The following PRKCE variants were observed in gnomAD, a reference collection of about 807,000 sequenced individuals.
PRKCE encodes protein kinase C epsilon type.
In PRKCE, 16 loss-of-function variants were observed where a neutral mutation model predicts 85.4. That is an observed-to-expected ratio of 0.19 (90% CI 0.13 to 0.28). PRKCE has a LOEUF of 0.28. Ranked by LOEUF, PRKCE falls within the 10% of genes least tolerant of loss-of-function variation. The pLI, the probability that PRKCE is intolerant of heterozygous loss-of-function variation, is 1.00. For synonymous variants in PRKCE, 388 were observed against 371.5 expected, an observed-to-expected ratio of 1.04 and a Z score of -0.51; for missense variants, 573 against 975.2, an observed-to-expected ratio of 0.59 and a Z score of 5.49.
In PRKCE at chr2:45,858,811, C is replaced by T. The variant is rs189942736; in HGVS notation, c.412+15748C>T. On this transcript the variant is annotated intron_variant, in intron 2 of 14. Transcript: ENST00000306156. ...ATCCCAGCACTTTGGGAGGCCAAGGCGGGCGGATCACTTGAGGTCAGGAGT... is the reference window on the plus strand; with the variant it reads ...ATCCCAGCACTTTGGGAGGCCAAGGTGGGCGGATCACTTGAGGTCAGGAGT... Among the ~76,000 whole-genome samples, 720 of 152,060 alleles carry T rather than the reference C, an allele frequency of 4.7e-3. 9 individuals are homozygous for T. The highest frequency in any genetic ancestry group is 6.9e-3 in the African/African-American group (288 of 41,474).
intron 1 of PRKCE, among the ~76,000 whole-genome samples, chr2:45,679,390 T>G (rs1676715470): frequency 6.6e-6 from 1 of 152,206 alleles, no homozygotes; most frequent in South Asian, 2.1e-4. Flanking sequence ...ATTCACAAAT[T>G]TTTATAGCAT....
intron 2 of PRKCE, among the ~76,000 whole-genome samples, chr2:45,899,422 C>A (rs760414591): frequency 4.6e-5 from 7 of 151,270 alleles, no homozygotes; most frequent in Non-Finnish European, 1.0e-4. Flanking sequence ...ACTCTGTTGC[C>A]CAGGCTAGAG....
intron 1 of PRKCE, among the ~76,000 whole-genome samples, chr2:45,806,768 G>A (rs35128922): frequency 0.31 from 47,453 of 152,076 alleles, 7,786 homozygotes; most frequent in East Asian, 0.44. Context: ...GATGAGGGAG[G>A]ACCCCGGGGT....
rs1050615660 is a variant in PRKCE, at chr2:46,001,813, G to A, written c.966+267G>A. On this transcript the variant is annotated intron_variant, in intron 7 of 14. Coordinates refer to ENST00000306156, the MANE Select transcript of PRKCE (RefSeq NM_005400.3). The surrounding 1 kb of genome is among the most constrained non-coding windows in gnomAD (Gnocchi z 4.4). ...ACATAAACTTTGAGATGAGGAATTT[G>A]AAATTCCTTCTAGAAAAAGCTTAAC... Among the ~76,000 whole-genome samples, 2 of 152,204 alleles carry A rather than the reference G, an allele frequency of 1.3e-5. No individual in the cohort carries two copies. Among genetic ancestry groups the A allele is most frequent in the Non-Finnish European group, 2.9e-5 (2 of 68,036 alleles).
chr2:46,082,401 A>C (rs1038166514), intron 10 of PRKCE, among the ~76,000 whole-genome samples: 2 of 152,166 alleles, frequency 1.3e-5, no homozygotes, highest in Non-Finnish European at 2.9e-5. Context: ...TTAAATGACT[A>C]AGGTTTCTGA....
At chr2:46,071,498 C>G (rs746324207) in intron 10 of PRKCE, among the ~76,000 whole-genome samples, 8 of 152,196 alleles carry the variant, frequency 5.3e-5, no homozygotes, top group Non-Finnish European at 1.2e-4. Context: ...GTTCATGCAG[C>G]TTGTTCACGC....
At chr2:45,823,981 C>T (rs1344739709) in intron 1 of PRKCE, among the ~76,000 whole-genome samples, 3 of 152,364 alleles carry the variant, frequency 2.0e-5, no homozygotes, top group East Asian at 3.9e-4. Context: ...CTCACTGGCT[C>T]ACTGGCTTTC....
chr2:45,809,690 C>A (rs968698896), intron 1 of PRKCE, among the ~76,000 whole-genome samples: 1 of 151,166 alleles, frequency 6.6e-6, no homozygotes, highest in African/African-American at 2.4e-5. Context: ...TTGAGACCAG[C>A]CTGGCCAACA....
chr2:46,003,220 A>G (rs1229509730), intron 7 of PRKCE, among the ~76,000 whole-genome samples: 1 of 152,208 alleles, frequency 6.6e-6, no homozygotes, highest in Non-Finnish European at 1.5e-5. Context: ...GGAATATCAG[A>G]CTTTCTGGTG....
At chr2:45,716,260 T>A (rs1353434595) in intron 1 of PRKCE, among the ~76,000 whole-genome samples, 1 of 152,238 alleles carries the variant, frequency 6.6e-6, no homozygotes, top group Non-Finnish European at 1.5e-5. Context: ...CCCATGCCTG[T>A]AATCCTAGCC....
chr2:45,961,341 T>C (rs1701362732), intron 2 of PRKCE, among the ~76,000 whole-genome samples: 1 of 152,210 alleles, frequency 6.6e-6, no homozygotes, highest in Non-Finnish European at 1.5e-5. Flanking sequence ...ACCTCTTGAA[T>C]GAAGTATCTA....
chr2:45,984,478 G>C, intron 5 of PRKCE, 73 bp from the exon 6 acceptor site: 1 of 1,558,006 alleles, frequency 6.4e-7, no homozygotes, highest in Non-Finnish European at 8.7e-7. Context: ...AAAGTTCTTT[G>C]AGAGTTCCGT....
intron 10 of PRKCE, among the ~76,000 whole-genome samples, chr2:46,065,021 A>C (rs1235859795): frequency 6.6e-6 from 1 of 152,230 alleles, no homozygotes; most frequent in Non-Finnish European, 1.5e-5. Context: ...CTCTTAAGTT[A>C]TTTGACCCTG....
rs1680543696 is a variant in PRKCE, at chr2:46,187,651, A to G, written c.*2770A>G. ...GTTCTTCTGTGTTCTCTCATTATGG[A>G]CTTTGTGAAGTAGAAACATAATTTT... is the stretch of plus-strand genomic sequence containing the variant. On this transcript the variant is annotated 3_prime_UTR_variant, in exon 15 of 15. Coordinates refer to ENST00000306156, the MANE Select transcript of PRKCE (RefSeq NM_005400.3). 1 of 152,044 alleles carries G rather than the reference A, an allele frequency of 6.6e-6. No individual in the cohort carries two copies. Among genetic ancestry groups the G allele is most frequent in the Non-Finnish European group, 1.5e-5 (1 of 67,936 alleles). 9.4% of individuals were successfully genotyped at this position (152,044 alleles called of 1,614,324 possible).
chr2:45,738,114 T>A (rs759396207), intron 1 of PRKCE, among the ~76,000 whole-genome samples: 1 of 152,204 alleles, frequency 6.6e-6, no homozygotes, highest in Non-Finnish European at 1.5e-5. Context: ...CTGGCCTCCC[T>A]GCTGCCAATC....
chr2:45,701,566 G>C (rs41281463), intron 1 of PRKCE: 2 of 152,202 alleles, frequency 1.3e-5, no homozygotes, highest in African/African-American at 4.8e-5. Context: ...GGGCAGTTTT[G>C]ATTTTGATAC....
intron 1 of PRKCE, among the ~76,000 whole-genome samples, chr2:45,781,724 T>C (rs1020102508): frequency 2.0e-5 from 3 of 152,178 alleles, no homozygotes; most frequent in African/African-American, 7.2e-5. Flanking sequence ...TGTGAAATAT[T>C]TGCTTTTCTT....
At chr2:45,930,920 CCGGGT>C (rs1323960852) in intron 2 of PRKCE, among the ~76,000 whole-genome samples, 1 of 152,120 alleles carries the variant, frequency 6.6e-6, no homozygotes, top group African/African-American at 2.4e-5. Flanking sequence ...AGATTGTATG[CCGGGT>C]TTAGGAGAAG....
At chr2:46,093,861 T>A (rs1455753083) in intron 11 of PRKCE, among the ~76,000 whole-genome samples, 1 of 152,202 alleles carries the variant, frequency 6.6e-6, no homozygotes, top group Admixed American at 6.5e-5. Context: ...TACTGTAATT[T>A]TGGTTAAATG....
Sources: gnomAD v4.1 joint callset for allele counts (sites outside exome capture counted in the v4.1 genomes callset) on GRCh38, gnomAD v4.1.1 for gene constraint, Gnocchi (gnomAD v3.1) non-coding constraint, MANE v1.5 for transcripts, NCBI Gene and HGNC (gene_info 2026-07-23, HGNC 2026-07-21) for gene names.